RASGEF1C: variants seen among roughly 807,000 people sequenced by gnomAD.
RASGEF1C encodes RasGEF domain family member 1C.
Under a neutral mutation model 58.1 loss-of-function variants are expected in RASGEF1C, and 27 were observed. The ratio of observed to expected loss-of-function variants is 0.46; its 90% CI spans 0.34 to 0.64. RASGEF1C has a LOEUF of 0.64. Among genes scored for constraint, RASGEF1C ranks in the 30% least tolerant of loss-of-function variants. The pLI is 0.01. For synonymous variants in RASGEF1C, 243 were observed against 246.3 expected, an observed-to-expected ratio of 0.99 and a Z score of 0.13; for missense variants, 502 against 605.1, an observed-to-expected ratio of 0.83 and a Z score of 1.79.
intron 1 of RASGEF1C, among the ~76,000 whole-genome samples, chr5:180,152,057 A>C (rs1325309438): frequency 6.7e-6 from 1 of 150,100 alleles, no homozygotes; most frequent in East Asian, 1.9e-4. Flanking sequence ...ATCATTAAAA[A>C]GTCAGGAAAC....
chr5:180,179,014 G>A (rs550189689), intron 1 of RASGEF1C, among the ~76,000 whole-genome samples: 11 of 152,262 alleles, frequency 7.2e-5, no homozygotes, highest in African/African-American at 2.6e-4. Context: ...GGGGCCTGGG[G>A]CCGGGAGGAG....
intron 1 of RASGEF1C, among the ~76,000 whole-genome samples, chr5:180,202,994 G>A (rs186653169): frequency 1.0e-3 from 157 of 152,258 alleles, no homozygotes; most frequent in Non-Finnish European, 1.8e-3. Context: ...GAGCCACCGC[G>A]CCTGGCCAGT....
chr5:180,124,789 A>G (rs1183485309), intron 6 of RASGEF1C, among the ~76,000 whole-genome samples: 1 of 151,982 alleles, frequency 6.6e-6, no homozygotes, highest in East Asian at 1.9e-4. Context: ...GTGCTATTGC[A>G]CTCCAGCCTG....
At chr5:180,202,426 C>G (rs1456321041) in intron 1 of RASGEF1C, among the ~76,000 whole-genome samples, 1 of 151,920 alleles carries the variant, frequency 6.6e-6, no homozygotes, top group African/African-American at 2.4e-5. Context: ...AAGATCATTT[C>G]CAAGAGAATG....
chr5:180,110,885 G>A (rs1478498358), intron 12 of RASGEF1C, among the ~76,000 whole-genome samples: 2 of 151,816 alleles, frequency 1.3e-5, no homozygotes, highest in African/African-American at 4.8e-5. Flanking sequence ...GTGCGATCTC[G>A]GCTCACTGCA....
intron 6 of RASGEF1C, among the ~76,000 whole-genome samples, chr5:180,126,544 G>T (rs772098367): frequency 1.7e-4 from 26 of 152,014 alleles, no homozygotes; most frequent in Middle Eastern, 3.4e-3. Context: ...CTCTTTTTTT[G>T]TTACCCAAAT....
rs181368904 is a variant in RASGEF1C at position 180,105,764 on chromosome 5, T to A, written c.1304-3621A>T. ...ACGCCTGTAATCCCAGTGACTTGGG[T>A]GGCTGAGGGAGGAGAATCGCTTGAA... On this transcript the variant is annotated intron_variant, in intron 12 of 13. Coordinates refer to ENST00000361132, the MANE Select transcript of RASGEF1C (RefSeq NM_175062.4). 8.1e-4 allele frequency among the ~76,000 whole-genome samples: 122 copies of A among 150,124 alleles called. No individual in the cohort carries two copies. In the East Asian group the frequency reaches 0.022, roughly 27 times the overall value.
chr5:180,103,423 C>T (rs1765830852), intron 12 of RASGEF1C, among the ~76,000 whole-genome samples: 1 of 152,192 alleles, frequency 6.6e-6, no homozygotes, highest in Non-Finnish European at 1.5e-5. Flanking sequence ...TGTTCTGTTC[C>T]ATTTCCACCT....
At chr5:180,129,716 C>T (rs1223711129) in intron 4 of RASGEF1C, among the ~76,000 whole-genome samples, 1 of 152,218 alleles carries the variant, frequency 6.6e-6, no homozygotes, top group Non-Finnish European at 1.5e-5. Flanking sequence ...AGTCAAGGTG[C>T]GCCATCGCTG....
At chr5:180,207,748 C>T (rs1365769034) in intron 1 of RASGEF1C, among the ~76,000 whole-genome samples, 4 of 152,168 alleles carry the variant, frequency 2.6e-5, no homozygotes. Context: ...TGTAGCGTCT[C>T]AGCTCCAGCT....
chr5:180,108,358 C>T (rs920399649), intron 12 of RASGEF1C, among the ~76,000 whole-genome samples: 3 of 151,958 alleles, frequency 2.0e-5, no homozygotes, highest in South Asian at 2.1e-4. Flanking sequence ...CCCGACACCA[C>T]GCTTGGCTAA....
chr5:180,190,450 A>G lies in RASGEF1C; in HGVS notation c.-7+18578T>C, dbSNP rs374355456. On this transcript the variant is annotated intron_variant, in intron 1 of 13. Coordinates refer to ENST00000361132, the MANE Select transcript of RASGEF1C (RefSeq NM_175062.4). ...GCTTGCAGTGAGCTGAGATCGCGCC[A>G]CTGCACTCCAGACTGGGTGACAGAG... 1.2e-3 allele frequency among the ~76,000 whole-genome samples: 165 copies of G among 139,066 alleles called. 26 individuals are homozygous for G. Among genetic ancestry groups the G allele is most frequent in the Non-Finnish European group, 2.2e-3 (142 of 63,438 alleles). The allele number at this position is 139,066 out of a possible 152,430, so 91.2% of individuals were successfully genotyped here.
At chr5:180,125,150 C>G (rs1766233783) in intron 6 of RASGEF1C, among the ~76,000 whole-genome samples, 1 of 152,050 alleles carries the variant, frequency 6.6e-6, no homozygotes, top group South Asian at 2.1e-4. Flanking sequence ...CCAACAACAA[C>G]AACAACAAAA....
chr5:180,111,371 T>G lies in RASGEF1C; in HGVS notation c.1303+86A>C, dbSNP rs993512156. 8 of 1,580,958 alleles carry G rather than the reference T, an allele frequency of 5.1e-6. No homozygotes were observed. In the African/African-American group the frequency reaches 1.1e-4, roughly 21 times the overall value. The stretch of plus-strand genomic sequence containing the variant: ...TGGGCAGGGTGCATCCCTAACCTAC[T>G]CAGAGCAGGGGTCCTGAATGGTGAC... On this transcript the variant is annotated intron_variant, in intron 12 of 13. Coordinates refer to ENST00000361132, the MANE Select transcript of RASGEF1C (RefSeq NM_175062.4).
At chr5:180,208,592 TTCCCCCAGGCGCAAGGCCC>T (rs1231931387) in intron 1 of RASGEF1C, among the ~76,000 whole-genome samples, 8 of 152,260 alleles carry the variant, frequency 5.3e-5, no homozygotes, top group African/African-American at 1.4e-4. Context: ...CAGCACCCTC[TTCCCCCAGGCGCAAGGCCC>T]TTTCCCTTCT....
At chr5:180,166,763 G>A (rs1374080802) in intron 1 of RASGEF1C, among the ~76,000 whole-genome samples, 7 of 151,956 alleles carry the variant, frequency 4.6e-5, no homozygotes, top group Admixed American at 1.3e-4. Context: ...TGATCCACCC[G>A]CCTCGGCCTC....
chr5:180,190,001 A>G (rs2127562552), intron 1 of RASGEF1C, among the ~76,000 whole-genome samples: 1 of 151,748 alleles, frequency 6.6e-6, no homozygotes, highest in East Asian at 1.9e-4. Flanking sequence ...TTCATGCGAA[A>G]AAAAAAACCT....
chr5:180,176,589 C>T (rs1767228416), intron 1 of RASGEF1C, among the ~76,000 whole-genome samples: 1 of 147,108 alleles, frequency 6.8e-6, no homozygotes, highest in Non-Finnish European at 1.5e-5. Flanking sequence ...TGGAGTCTTG[C>T]TCTGTCGCCC....
rs1299462124 is a variant in RASGEF1C, at chr5:180,151,206, G to GA, written c.-6-13149dup. ...ACCAATGACTTTCTTCACAGAATTG[G>GA]AAAAAACCACTCTAAAGTTCATATG... On this transcript the variant is annotated intron_variant, in intron 1 of 13. Coordinates refer to ENST00000361132, the MANE Select transcript of RASGEF1C (RefSeq NM_175062.4). 5.3e-5 allele frequency among the ~76,000 whole-genome samples: 8 copies of GA among 151,826 alleles called. No individual in the cohort carries two copies. The South Asian group carries it at 6.3e-4, about 12-fold the overall frequency.
Sources: allele counts gnomAD v4.1 joint callset (sites outside exome capture counted in the v4.1 genomes callset), GRCh38; gene constraint gnomAD v4.1.1; transcripts MANE v1.5; gene names NCBI Gene and HGNC (gene_info 2026-07-23, HGNC 2026-07-21).